The following MTMR7 variants were observed in gnomAD, a reference collection of about 807,000 sequenced individuals.
MTMR7 encodes myotubularin related protein 7.
MTMR7 carries 76 observed loss-of-function variants against 81.2 expected under a neutral mutation model. That is an observed-to-expected ratio of 0.94 (90% CI 0.78 to 1.13). MTMR7 has a LOEUF of 1.13. Among genes scored for constraint, MTMR7 ranks in the 50% most tolerant of loss-of-function variants. MTMR7 has a pLI of 0.00. For missense variants in MTMR7, 1,044 were observed against 820.0 expected (o/e 1.27, Z -3.34); for synonymous variants, 372 against 289.8 (o/e 1.28, Z -2.88).
At chr8:17,356,414 T>C (rs1266304123) in intron 4 of MTMR7, among the ~76,000 whole-genome samples, 1 of 152,092 alleles carries the variant, frequency 6.6e-6, no homozygotes, top group African/African-American at 2.4e-5. Flanking sequence ...AAAAATAACC[T>C]TGGGGTCCAG....
intron 1 of MTMR7, among the ~76,000 whole-genome samples, chr8:17,404,142 G>C (rs11996741): frequency 0.045 from 6,878 of 152,192 alleles, 502 homozygotes; most frequent in African/African-American, 0.16. Flanking sequence ...GTGGGGGAGT[G>C]GCAAAAATGG....
At chr8:17,315,884 A>C (rs1200193669) in intron 7 of MTMR7, among the ~76,000 whole-genome samples, 1 of 152,174 alleles carries the variant, frequency 6.6e-6, no homozygotes. Context: ...TGAGTGGCAC[A>C]TGCCTACTGT....
At chr8:17,403,397 AT>A (rs1364147568) in intron 1 of MTMR7, among the ~76,000 whole-genome samples, 1 of 151,960 alleles carries the variant, frequency 6.6e-6, no homozygotes, top group Non-Finnish European at 1.5e-5. Flanking sequence ...AGGTGTGTGG[AT>A]TTGTTTCTGG....
chr8:17,375,387 T>G (rs1820552384), intron 1 of MTMR7, among the ~76,000 whole-genome samples: 1 of 152,152 alleles, frequency 6.6e-6, no homozygotes, highest in Non-Finnish European at 1.5e-5. Context: ...TACAATTTAC[T>G]CTGGAGCATT....
chr8:17,320,918 A>C (rs1472087257), intron 7 of MTMR7, among the ~76,000 whole-genome samples: 1 of 152,120 alleles, frequency 6.6e-6, no homozygotes, highest in Non-Finnish European at 1.5e-5. Flanking sequence ...TTAATCCTAA[A>C]ATACACACAT....
intron 5 of MTMR7, among the ~76,000 whole-genome samples, chr8:17,347,675 T>C (rs923029248): frequency 1.3e-5 from 2 of 152,232 alleles, no homozygotes; most frequent in African/African-American, 4.8e-5. Flanking sequence ...AGGTGGTTTT[T>C]TGCTACCTTT....
In MTMR7 at chr8:17,338,230, T is replaced by C. The variant is rs183066067; in HGVS notation, c.732+3133A>G. ...AATGGATCAGTGTCAAACTCATCGC[T>C]GAGAGTAAACACACTTAGCACTAAA... On this transcript the variant is annotated intron_variant, in intron 6 of 13. Coordinates refer to ENST00000180173, the MANE Select transcript of MTMR7 (RefSeq NM_004686.5). Among the ~76,000 whole-genome samples, 45 of 152,362 alleles carry C rather than the reference T, an allele frequency of 3.0e-4. No individual in the cohort carries two copies. In the East Asian group the frequency reaches 8.1e-3, roughly 27 times the overall value.
chr8:17,335,700 G>A (rs767413584), intron 6 of MTMR7, among the ~76,000 whole-genome samples: 1 of 152,234 alleles, frequency 6.6e-6, no homozygotes, highest in Non-Finnish European at 1.5e-5. Flanking sequence ...ACACAAACAT[G>A]TGAGTTGATT....
chr8:17,333,147 A>G (rs1451446078), intron 6 of MTMR7, among the ~76,000 whole-genome samples: 1 of 152,184 alleles, frequency 6.6e-6, no homozygotes, highest in Non-Finnish European at 1.5e-5. Context: ...CAGCTGGGCC[A>G]CATCAGCCCC....
chr8:17,361,526 C>G lies in MTMR7; in HGVS notation c.311-252G>C, dbSNP rs1397487328. Among the ~76,000 whole-genome samples, 8 of 152,304 alleles carry G rather than the reference C, an allele frequency of 5.3e-5. No homozygotes were observed. In the South Asian group the frequency reaches 1.7e-3, roughly 32 times the overall value. ...TTCCTTTTAGAACACAGGGACATCT[C>G]CATTTTGTGCTTTTTTTGTTGTTGC... On this transcript the variant is annotated intron_variant, in intron 3 of 13. Transcript: ENST00000180173.
intron 9 of MTMR7, among the ~76,000 whole-genome samples, chr8:17,309,652 G>C (rs1236894641): frequency 1.3e-5 from 2 of 152,268 alleles, no homozygotes; most frequent in East Asian, 1.9e-4. Flanking sequence ...CACTCTTTTA[G>C]AAGGGGAAAC....
At chr8:17,356,827 T>C (rs1819905049) in intron 4 of MTMR7, among the ~76,000 whole-genome samples, 1 of 152,164 alleles carries the variant, frequency 6.6e-6, no homozygotes, top group South Asian at 2.1e-4. Flanking sequence ...TACCAGCGAA[T>C]ATCACATCAA....
At chr8:17,402,904 AT>A (rs778506301) in intron 1 of MTMR7, among the ~76,000 whole-genome samples, 8 of 152,282 alleles carry the variant, frequency 5.3e-5, no homozygotes, top group Non-Finnish European at 1.2e-4. Context: ...CCTTGCCAGC[AT>A]TTGTTATTGC....
At position 17,297,190 on chromosome 8, in the gene MTMR7, G is replaced by GAGTT. The variant is rs1485215277; in HGVS notation, c.*2668_*2671dup. On this transcript the variant is annotated 3_prime_UTR_variant, in exon 14 of 14. Coordinates refer to ENST00000180173, the MANE Select transcript of MTMR7 (RefSeq NM_004686.5). The stretch of plus-strand genomic sequence containing the variant: ...ATCAGAATTAAAGAGGAATACTTAG[G>GAGTT]AGTTACTAGGCTAATCAGTGTACGA... The GAGTT allele has an allele frequency of 6.6e-6, 1 of 152,164 alleles. No homozygotes were observed. Among genetic ancestry groups the GAGTT allele is most frequent in the African/African-American group, 2.4e-5 (1 of 41,448 alleles). 9.4% of individuals were successfully genotyped at this position (152,164 alleles called of 1,614,324 possible). A position where few individuals can be genotyped will look rare whatever the true frequency, so the allele number is the denominator to read the frequency against.
intron 3 of MTMR7, among the ~76,000 whole-genome samples, chr8:17,366,337 G>C (rs1820224225): frequency 6.6e-6 from 1 of 152,046 alleles, no homozygotes; most frequent in South Asian, 2.1e-4. Context: ...TAAATATATG[G>C]AGTAATTGCC....
At chr8:17,346,655 A>T (rs1302330801) in intron 5 of MTMR7, among the ~76,000 whole-genome samples, 5 of 152,052 alleles carry the variant, frequency 3.3e-5, no homozygotes, top group Non-Finnish European at 1.5e-5. Flanking sequence ...TGTCTCAAGA[A>T]TATAAAAAGG....
chr8:17,326,231 C>T (rs1818670841), intron 7 of MTMR7: 1 of 152,142 alleles, frequency 6.6e-6, no homozygotes, highest in Admixed American at 6.6e-5. Context: ...GGTGGTTCTA[C>T]CACTTACTAT....
chr8:17,401,354 G>C (rs1305115467), intron 1 of MTMR7, among the ~76,000 whole-genome samples: 1 of 152,126 alleles, frequency 6.6e-6, no homozygotes, highest in East Asian at 1.9e-4. Flanking sequence ...TGTTGAAAAA[G>C]GAGTGTGCCT....
In MTMR7 at chr8:17,316,836, C is replaced by T. The variant is rs570947954; in HGVS notation, c.866-3435G>A. ...CATGTTATTATGTAAGGGACTTCTG[C>T]GTGTGTGGATTTGAGAATCTATGGG... On this transcript the variant is annotated intron_variant, in intron 7 of 13. Transcript: ENST00000180173. Among the ~76,000 whole-genome samples, 402 of 151,848 alleles carry T rather than the reference C, an allele frequency of 2.6e-3. 2 individuals carry two copies. Among genetic ancestry groups the T allele is most frequent in the Non-Finnish European group, 4.4e-3 (301 of 67,970 alleles).
Sources: allele counts gnomAD v4.1 joint callset (sites outside exome capture counted in the v4.1 genomes callset), GRCh38; gene constraint gnomAD v4.1.1; transcripts MANE v1.5; gene names NCBI Gene and HGNC (gene_info 2026-07-23, HGNC 2026-07-21).